DOCK5: variants seen among roughly 807,000 people sequenced by gnomAD.
The protein encoded by DOCK5 is dedicator of cytokinesis 5, also known as dedicator of cytokinesis protein 5.
In DOCK5, 142 loss-of-function variants were observed where a neutral mutation model predicts 251.8. The ratio of observed to expected loss-of-function variants is 0.56; its 90% CI spans 0.49 to 0.65. The LOEUF (loss-of-function observed/expected upper bound fraction) is 0.65, where lower values mean the gene tolerates loss of function less well. Among genes scored for constraint, DOCK5 ranks in the 30% least tolerant of loss-of-function variants. The pLI is 0.00. For synonymous variants in DOCK5, 842 were observed against 835.5 expected, an observed-to-expected ratio of 1.01 and a Z score of -0.13; for missense variants, 2,111 against 2,312.3, an observed-to-expected ratio of 0.91 and a Z score of 1.79.
chr8:25,252,200 C>T (rs960938885), intron 2 of DOCK5, among the ~76,000 whole-genome samples: 1 of 152,074 alleles, frequency 6.6e-6, no homozygotes, highest in African/African-American at 2.4e-5. Flanking sequence ...TATTGTTCCT[C>T]CTTTCTACTT....
At chr8:25,383,155 C>T (rs1370180675) in intron 40 of DOCK5, among the ~76,000 whole-genome samples, 3 of 152,044 alleles carry the variant, frequency 2.0e-5, no homozygotes, top group African/African-American at 7.3e-5. Context: ...GCAGGAGTAT[C>T]CCAAAATAAA....
intron 5 of DOCK5, among the ~76,000 whole-genome samples, chr8:25,291,530 A>G (rs1804486011): frequency 6.6e-6 from 1 of 151,618 alleles, no homozygotes; most frequent in African/African-American, 2.4e-5. Flanking sequence ...TAAAAATGCA[A>G]AAATTAGCTG....
Position 25,268,850 on chromosome 8 carries a change from T to C in DOCK5, c.133T>C (p.Tyr45His), listed in dbSNP as rs986730924. 6.4e-6 allele frequency: 10 copies of C among 1,571,360 alleles called. No individual in the cohort carries two copies. The African/African-American group carries it at 1.1e-4, about 17-fold the overall frequency. Reference sequence around the variant, plus strand: ...GTTCTCTTTTGCTCTGACAGGTTGGTACAGAGGATATACCCTCCAAAATAA... The same window carrying C: ...GTTCTCTTTTGCTCTGACAGGTTGGCACAGAGGATATACCCTCCAAAATAA... Reference protein sequence around the residue: ...VHILEMYEGWYRGYTLQNKSK... With the variant: ...VHILEMYEGWHRGYTLQNKSK... The change falls in exon 3 of 52, where the codon TAC becomes CAC. Residue 45 changes from tyrosine (Y) to histidine (H), a missense_variant. Around this residue, in one of 3 missense-constraint regions of DOCK5, gnomAD observed 335 missense variants for 324.9 expected, o/e 1.03. Transcript: ENST00000276440.
intron 2 of DOCK5, among the ~76,000 whole-genome samples, chr8:25,254,020 G>T (rs1013577894): frequency 6.6e-6 from 1 of 152,282 alleles, no homozygotes; most frequent in South Asian, 2.1e-4. Flanking sequence ...CAAGACTGTG[G>T]TATTGGCAGA....
chr8:25,332,154 G>T, intron 18 of DOCK5, 97 bp from the exon 19 acceptor site: 1 of 806,710 alleles, frequency 1.2e-6, no homozygotes, highest in Non-Finnish European at 2.0e-6. Context: ...AGCCACTATT[G>T]AGAGCAATTA....
chr8:25,325,256 T>A, intron 17 of DOCK5, 108 bp from the exon 18 acceptor site: 1 of 1,180,418 alleles, frequency 8.5e-7, no homozygotes, highest in Non-Finnish European at 1.2e-6. Context: ...TCAGGATAAA[T>A]TGATAAGTCC....
intron 2 of DOCK5, among the ~76,000 whole-genome samples, chr8:25,261,259 G>A (rs1233341739): frequency 2.0e-5 from 3 of 152,004 alleles, no homozygotes; most frequent in African/African-American, 7.2e-5. Flanking sequence ...TTTAGGACAC[G>A]GAGACATTGA....
chr8:25,283,390 C>A, intron 5 of DOCK5, among the ~76,000 whole-genome samples: 1 of 152,118 alleles, frequency 6.6e-6, no homozygotes, highest in East Asian at 1.9e-4. Flanking sequence ...TGGCCTTGGG[C>A]AAGTCACTTG....
rs376212628 is a variant in DOCK5 at position 25,299,076 on chromosome 8, G to A, written c.739G>A (p.Asp247Asn). The A allele has an allele frequency of 2.2e-4, 351 of 1,613,446 alleles. No individual in the cohort carries two copies. The highest frequency in any genetic ancestry group is 2.8e-4 in the Non-Finnish European group (335 of 1,179,788). Residue 247 changes from aspartate (D) to asparagine (N), a missense_variant, in exon 8 of 52, where the codon GAC becomes AAC. By Grantham distance (23) the Asp-to-Asn change is conservative. Around this residue, in one of 3 missense-constraint regions of DOCK5, gnomAD observed 335 missense variants for 324.9 expected, o/e 1.03. Coordinates refer to ENST00000276440, the MANE Select transcript of DOCK5 (RefSeq NM_024940.8). ...EDAELFMALY[D>N]PDQSTFISEN... Reference sequence around the variant, plus strand: ...TGCAGAGTTGTTTATGGCCCTCTACGACCCAGACCAGTCCACTTTTATCAG... The same window carrying A: ...TGCAGAGTTGTTTATGGCCCTCTACAACCCAGACCAGTCCACTTTTATCAG...
chr8:25,235,743 A>G (rs1222269108), intron 1 of DOCK5, among the ~76,000 whole-genome samples: 1 of 151,012 alleles, frequency 6.6e-6, no homozygotes, highest in Non-Finnish European at 1.5e-5. Context: ...ATATTTATCT[A>G]TTCCCTTCAC....
chr8:25,328,374 C>T (rs754351181), intron 18 of DOCK5, among the ~76,000 whole-genome samples: 4 of 151,984 alleles, frequency 2.6e-5, no homozygotes, highest in African/African-American at 7.2e-5. Flanking sequence ...GAGGGAAAGA[C>T]GGAGACTTGG....
intron 16 of DOCK5, among the ~76,000 whole-genome samples, chr8:25,322,167 G>A (rs753435513): frequency 6.6e-6 from 1 of 152,210 alleles, no homozygotes; most frequent in African/African-American, 2.4e-5. Flanking sequence ...GGCTGCAGGC[G>A]AGGCCCTGGT....
chr8:25,202,308 G>A (rs556148259), intron 1 of DOCK5, among the ~76,000 whole-genome samples: 2 of 152,122 alleles, frequency 1.3e-5, no homozygotes, highest in Admixed American at 6.5e-5. Context: ...GTGAGCCACC[G>A]CACCCACCCC....
chr8:25,365,245 C>T (rs1800755899), intron 30 of DOCK5, among the ~76,000 whole-genome samples: 1 of 152,138 alleles, frequency 6.6e-6, no homozygotes, highest in African/African-American at 2.4e-5. Flanking sequence ...CTGTTTTGCG[C>T]CCTGGTAGGG....
chr8:25,383,018 G>T (rs1328190090), intron 40 of DOCK5, among the ~76,000 whole-genome samples: 3 of 152,192 alleles, frequency 2.0e-5, no homozygotes, highest in African/African-American at 7.2e-5. Flanking sequence ...GGGAAAAACA[G>T]AACCATCCCC....
chr8:25,387,662 C>T (rs183805982), intron 40 of DOCK5, among the ~76,000 whole-genome samples: 16 of 152,340 alleles, frequency 1.1e-4, no homozygotes, highest in African/African-American at 2.6e-4. Context: ...GCCTGCCATG[C>T]GAGACCATTC....
At chr8:25,348,607 A>T (rs1328707892) in intron 26 of DOCK5, among the ~76,000 whole-genome samples, 1 of 152,188 alleles carries the variant, frequency 6.6e-6, no homozygotes, top group Non-Finnish European at 1.5e-5. Context: ...TGGGAGGCTG[A>T]GACAGGTAGA....
chr8:25,270,664 C>T (rs906074965), intron 3 of DOCK5: 1 of 419,614 alleles, frequency 2.4e-6, no homozygotes, highest in African/African-American at 2.0e-5. Context: ...TACGTTCAAC[C>T]AAGGTCCTAG....
intron 47 of DOCK5, among the ~76,000 whole-genome samples, chr8:25,401,353 G>A (rs1801435277): frequency 6.6e-6 from 1 of 152,120 alleles, no homozygotes; most frequent in Admixed American, 6.5e-5. Flanking sequence ...TAGATCTGGG[G>A]GTGGGGCCCA....
Sources: gnomAD v4.1 joint callset for allele counts (sites outside exome capture counted in the v4.1 genomes callset) on GRCh38, gnomAD v4.1.1 for gene constraint, gnomAD v4.1.1 regional missense constraint, MANE v1.5 for transcripts, NCBI Gene and HGNC (gene_info 2026-07-23, HGNC 2026-07-21) for gene names.